The following GRIN2A variants were observed in gnomAD, a reference collection of about 807,000 sequenced individuals.
GRIN2A encodes glutamate receptor ionotropic, NMDA 2A.
A neutral mutation model predicts 113.4 loss-of-function variants in GRIN2A; 22 were observed. That is an observed-to-expected ratio of 0.19 (90% CI 0.14 to 0.28). The LOEUF (loss-of-function observed/expected upper bound fraction) is 0.28, where lower values mean the gene tolerates loss of function less well. Among genes scored for constraint, GRIN2A ranks in the 10% least tolerant of loss-of-function variants. GRIN2A has a pLI of 1.00. For synonymous variants in GRIN2A, 827 were observed against 738.4 expected (o/e 1.12, Z -1.94); for missense variants, 1,502 against 1,887.0 (o/e 0.80, Z 3.78).
Position 10,051,609 on chromosome 16 carries a change from G to A in GRIN2A, c.415-113058C>T, listed in dbSNP as rs1272736765. On this transcript the variant is annotated intron_variant, in intron 2 of 12. Coordinates refer to ENST00000330684, the MANE Select transcript of GRIN2A (RefSeq NM_001134407.3). ...TGTGTGTCTGAGGGGGTGTATCAGG[G>A]ACTGGACCATTCGAATTGAATATTG... Among the ~76,000 whole-genome samples, 4 of 152,234 alleles carry A rather than the reference G, an allele frequency of 2.6e-5. No individual in the cohort carries two copies. In the East Asian group the frequency reaches 7.7e-4, roughly 29 times the overall value.
intron 2 of GRIN2A, among the ~76,000 whole-genome samples, chr16:10,138,979 G>C (rs1019493687): frequency 2.6e-5 from 4 of 152,130 alleles, no homozygotes; most frequent in African/African-American, 9.7e-5. Flanking sequence ...TTCTCCAGTG[G>C]GGAAACAAAA....
chr16:10,001,677 A>T (rs1432648914), intron 2 of GRIN2A, among the ~76,000 whole-genome samples: 1 of 152,214 alleles, frequency 6.6e-6, no homozygotes, highest in South Asian at 2.1e-4. Flanking sequence ...CTAATCAATG[A>T]GCCAGTCACC....
chr16:9,907,808 C>T (rs1485271504), intron 3 of GRIN2A, among the ~76,000 whole-genome samples: 3 of 152,170 alleles, frequency 2.0e-5, no homozygotes, highest in African/African-American at 7.2e-5. Flanking sequence ...CAAAACTCCC[C>T]TCACTTCCTC....
intron 2 of GRIN2A, chr16:10,121,545 A>T (rs1396492084): frequency 6.6e-6 from 1 of 152,174 alleles, no homozygotes; most frequent in Non-Finnish European, 1.5e-5. Context: ...GGTCTCAAGA[A>T]ACAAAGTCAC....
At chr16:10,073,848 G>C (rs1400825697) in intron 2 of GRIN2A, among the ~76,000 whole-genome samples, 1 of 151,376 alleles carries the variant, frequency 6.6e-6, no homozygotes, top group Non-Finnish European at 1.5e-5. Context: ...CCTGGGAGGC[G>C]GAGGTTGCAG....
chr16:10,077,306 T>C (rs2047891446), intron 2 of GRIN2A, among the ~76,000 whole-genome samples: 3 of 152,178 alleles, frequency 2.0e-5, no homozygotes, highest in East Asian at 3.8e-4. Flanking sequence ...AAAATACTAA[T>C]AGGATGTGTA....
chr16:9,835,136 G>T (rs748287055), intron 7 of GRIN2A, among the ~76,000 whole-genome samples: 1 of 152,204 alleles, frequency 6.6e-6, no homozygotes, highest in African/African-American at 2.4e-5. Context: ...GCCTCAGATA[G>T]ATGAGATTCC....
At chr16:9,950,057 C>T (rs1318317426) in intron 2 of GRIN2A, among the ~76,000 whole-genome samples, 1 of 152,130 alleles carries the variant, frequency 6.6e-6, no homozygotes, top group African/African-American at 2.4e-5. Flanking sequence ...GGCTGGCATT[C>T]TTCACTGTCT....
chr16:9,833,696 C>T (rs2042536808), intron 8 of GRIN2A, among the ~76,000 whole-genome samples: 1 of 152,180 alleles, frequency 6.6e-6, no homozygotes, highest in Non-Finnish European at 1.5e-5. Flanking sequence ...ACCATTCATA[C>T]AATGGTACAC....
intron 10 of GRIN2A, among the ~76,000 whole-genome samples, chr16:9,801,054 C>T (rs896969656): frequency 9.2e-5 from 14 of 152,148 alleles, no homozygotes; most frequent in African/African-American, 3.1e-4. Flanking sequence ...CTGGTTTCTC[C>T]TCTGTGAGAG....
intron 2 of GRIN2A, among the ~76,000 whole-genome samples, chr16:10,100,618 T>G (rs774557069): frequency 3.9e-5 from 6 of 152,340 alleles, no homozygotes; most frequent in Middle Eastern, 3.4e-3. Context: ...TTGTAACTCT[T>G]GTAAGATGCT....
chr16:10,084,089 A>C (rs1313400157), intron 2 of GRIN2A, among the ~76,000 whole-genome samples: 1 of 152,224 alleles, frequency 6.6e-6, no homozygotes, highest in African/African-American at 2.4e-5. Context: ...CAACAGAGTG[A>C]GACCCTGTCT....
chr16:9,779,737 C>T (rs1044096554), intron 11 of GRIN2A, among the ~76,000 whole-genome samples: 23 of 143,114 alleles, frequency 1.6e-4, no homozygotes, highest in African/African-American at 4.5e-4. Context: ...TCAGCTCTTC[C>T]TTTGATGACA....
Position 10,058,293 on chromosome 16 carries a change from A to G in GRIN2A, c.415-119742T>C, listed in dbSNP as rs2047490283. On this transcript the variant is annotated intron_variant, in intron 2 of 12. Coordinates refer to ENST00000330684, the MANE Select transcript of GRIN2A (RefSeq NM_001134407.3). ...AACAAAAAAACCAAAAAACAAAAAA[A>G]CAAAAAACAAAAAACAAAGAAACAA... Among the ~76,000 whole-genome samples the G allele has an allele frequency of 2.4e-5, 3 of 126,384 alleles. No individual in the cohort carries two copies. The South Asian group carries it at 6.4e-4, about 27-fold the overall frequency. The allele number at this position is 126,384 out of a possible 152,430, so 82.9% of individuals were successfully genotyped here.
At chr16:9,835,050 G>A (rs781620303) in intron 7 of GRIN2A, among the ~76,000 whole-genome samples, 4 of 152,166 alleles carry the variant, frequency 2.6e-5, no homozygotes, top group Non-Finnish European at 5.9e-5. Flanking sequence ...ATAACCTGTT[G>A]GAAAAGAATT....
At chr16:9,942,839 T>C (rs558997743) in intron 2 of GRIN2A, among the ~76,000 whole-genome samples, 3 of 152,324 alleles carry the variant, frequency 2.0e-5, no homozygotes, top group African/African-American at 4.8e-5. Flanking sequence ...GTCATTTCTA[T>C]TGGTATCTTA....
At position 9,764,919 on chromosome 16, in the gene GRIN2A, G is replaced by A. The variant is rs774885632; in HGVS notation, c.2625C>T (p.His875=). The A allele has an allele frequency of 1.2e-6, 2 of 1,613,820 alleles. No homozygotes were observed. The highest frequency in any genetic ancestry group is 1.3e-5 in the African/African-American group (1 of 74,914). Residue 875 remains histidine (H), a synonymous_variant, in exon 13 of 13, where the codon CAC becomes CAT. Coordinates refer to ENST00000330684, the MANE Select transcript of GRIN2A (RefSeq NM_001134407.3). ...CTGGAGACTTCTTCTTTTCTTCAAT[G>A]TGCACTCCATGAATGCAGCTGTAGA... ...RGIYSCIHGV[H]IEEKKKSPDF...
Position 9,769,055 on chromosome 16 carries a change from A to G in GRIN2A, c.2391T>C (p.Thr797=). 6.2e-7 allele frequency: 1 copy of G among 1,614,018 alleles called. No individual in the cohort carries two copies. The highest frequency in any genetic ancestry group is 8.5e-7 in the Non-Finnish European group (1 of 1,179,868). ...CGTTCTTCTCGTTGTGGCAGATCCC[A>G]GTGAGCCACAGGGTCTCCAGCTCCT... ...EMEELETLWL[T]GICHNEKNEV... The change falls in exon 12 of 13, where the codon ACT becomes ACC. Residue 797 remains threonine (T), a synonymous_variant. Coordinates refer to ENST00000330684, the MANE Select transcript of GRIN2A (RefSeq NM_001134407.3).
At chr16:10,110,028 T>C (rs574966472) in intron 2 of GRIN2A, among the ~76,000 whole-genome samples, 2 of 152,262 alleles carry the variant, frequency 1.3e-5, no homozygotes, top group African/African-American at 4.8e-5. Flanking sequence ...ATTAGCTATA[T>C]CTCCTAATGC....
Sources: gnomAD v4.1 joint callset for allele counts (sites outside exome capture counted in the v4.1 genomes callset) on GRCh38, gnomAD v4.1.1 for gene constraint, MANE v1.5 for transcripts, NCBI Gene and HGNC (gene_info 2026-07-23, HGNC 2026-07-21) for gene names.